LINC00305: variants seen among roughly 807,000 people sequenced by gnomAD.
The protein encoded by LINC00305 is long intergenic non-protein coding RNA 305.
chr18:64,143,566 A>ATATGTACACATATTATG (rs1356163768), intron 1 of LINC00305, among the ~76,000 whole-genome samples: 4 of 35,354 alleles, frequency 1.1e-4, no homozygotes, highest in Admixed American at 6.8e-4. Flanking sequence ...GTGTACATAT[A>ATATGTACACATATTATG]TACACATATG....
At chr18:64,133,747 T>C (rs1339969599) in intron 1 of LINC00305, among the ~76,000 whole-genome samples, 1 of 152,204 alleles carries the variant, frequency 6.6e-6, no homozygotes, top group East Asian at 1.9e-4. Flanking sequence ...CACACCTGCC[T>C]TGGAAACTCT....
At chr18:64,099,661 G>A (rs1297450454) in intron 1 of LINC00305, among the ~76,000 whole-genome samples, 2 of 152,154 alleles carry the variant, frequency 1.3e-5, no homozygotes, top group Non-Finnish European at 2.9e-5. Context: ...GTAAGAACTC[G>A]GAACTGAGTG....
At chr18:64,110,304 T>A (rs1481168425) in intron 1 of LINC00305, among the ~76,000 whole-genome samples, 1 of 152,214 alleles carries the variant, frequency 6.6e-6, no homozygotes, top group Non-Finnish European at 1.5e-5. Context: ...GAATATCTGC[T>A]TATTAGTTGC....
At chr18:64,082,116 G>C (rs910578317) in intron 3 of LINC00305, among the ~76,000 whole-genome samples, 2 of 152,098 alleles carry the variant, frequency 1.3e-5, no homozygotes, top group Non-Finnish European at 2.9e-5. Flanking sequence ...TATGGTTTAG[G>C]AGTCATACAG....
chr18:64,087,786 C>T (rs1247599209), intron 3 of LINC00305, among the ~76,000 whole-genome samples: 1 of 152,100 alleles, frequency 6.6e-6, no homozygotes, highest in Non-Finnish European at 1.5e-5. Context: ...CTAACCATTA[C>T]TCAATAGAAA....
chr18:64,133,485 A>G (rs1212739908), intron 1 of LINC00305, among the ~76,000 whole-genome samples: 1 of 152,174 alleles, frequency 6.6e-6, no homozygotes, highest in Non-Finnish European at 1.5e-5. Context: ...TGTAAGTCAT[A>G]AGTGACTCCT....
intron 1 of LINC00305, among the ~76,000 whole-genome samples, chr18:64,117,007 T>TTCA: frequency 6.6e-6 from 1 of 152,322 alleles, no homozygotes; most frequent in East Asian, 1.9e-4. Flanking sequence ...AACAATGAGT[T>TTCA]TCATTCTTCA....
rs2051267182 is a variant in LINC00305, at chr18:64,101,294, A to G, written n.315-2654T>C. 5.3e-5 allele frequency among the ~76,000 whole-genome samples: 8 copies of G among 152,328 alleles called. No individual in the cohort carries two copies. The South Asian group carries it at 1.5e-3, about 28-fold the overall frequency. On this transcript the variant is annotated intron_variant and non_coding_transcript_variant, in intron 1 of 3. Transcript: ENST00000666468. The stretch of plus-strand genomic sequence containing the variant: ...AAGATAACAGTGCTCATATGGGAAC[A>G]ATGCCCTCTGTATTGGTTTCCTTGA...
intron 1 of LINC00305, among the ~76,000 whole-genome samples, chr18:64,108,896 A>G (rs2051303276): frequency 6.6e-6 from 1 of 152,232 alleles, no homozygotes; most frequent in South Asian, 2.1e-4. Context: ...GAGAAAAAGA[A>G]AGAAACATAA....
intron 1 of LINC00305, among the ~76,000 whole-genome samples, chr18:64,111,020 G>A (rs2051312762): frequency 6.6e-6 from 1 of 152,172 alleles, no homozygotes; most frequent in Admixed American, 6.5e-5. Flanking sequence ...TGAGAACAGA[G>A]TGGGTCTGTA....
At position 64,116,507 on chromosome 18, in the gene LINC00305, G is replaced by A. The variant is rs545085444; in HGVS notation, n.315-17867C>T. On this transcript the variant is annotated intron_variant and non_coding_transcript_variant, in intron 1 of 3. Coordinates refer to ENST00000666468, the Ensembl canonical transcript of LINC00305. ...CTGCAAACGTGATGTTAGTTCACAT[G>A]CAGTTTTATTTGATGTTACACAACA... is the stretch of plus-strand genomic sequence containing the variant. Among the ~76,000 whole-genome samples the A allele has an allele frequency of 1.3e-3, 194 of 152,252 alleles. 1 individual carries two copies. The highest frequency in any genetic ancestry group is 3.4e-3 in the Middle Eastern group (1 of 292).
intron 1 of LINC00305, among the ~76,000 whole-genome samples, chr18:64,100,845 T>C (rs2144239860): frequency 6.6e-6 from 1 of 152,272 alleles, no homozygotes; most frequent in South Asian, 2.1e-4. Flanking sequence ...TGAATGAATG[T>C]CCCATGGAAG....
chr18:64,128,787 C>T (rs1433147950), intron 1 of LINC00305, among the ~76,000 whole-genome samples: 1 of 152,054 alleles, frequency 6.6e-6, no homozygotes, highest in Non-Finnish European at 1.5e-5. Context: ...AAAGAACCTC[C>T]CTCAGGATCC....
At position 64,128,353 on chromosome 18, in the gene LINC00305, C is replaced by T. The variant is rs546079514; in HGVS notation, n.314+20422G>A. Among the ~76,000 whole-genome samples the T allele has an allele frequency of 5.4e-5, 8 of 149,110 alleles. No individual in the cohort carries two copies. The East Asian group carries it at 8.0e-4, about 15-fold the overall frequency. On this transcript the variant is annotated intron_variant and non_coding_transcript_variant, in intron 1 of 3. Transcript: ENST00000666468. ...TCTTAGTCTGTGACACCATCACCTGCCACCTGTCACCTGTCACCTCCAGGT... is the reference window on the plus strand; with the variant it reads ...TCTTAGTCTGTGACACCATCACCTGTCACCTGTCACCTGTCACCTCCAGGT...
chr18:64,095,776 A>G (rs1254018673), intron 3 of LINC00305, among the ~76,000 whole-genome samples: 2 of 152,188 alleles, frequency 1.3e-5, no homozygotes, highest in African/African-American at 4.8e-5. Context: ...CGATATATAC[A>G]TAATCAATGT....
chr18:64,131,002 T>C (rs1599226543), intron 1 of LINC00305, among the ~76,000 whole-genome samples: 1 of 152,230 alleles, frequency 6.6e-6, no homozygotes, highest in African/African-American at 2.4e-5. Context: ...ATTTCAACTG[T>C]CAACTTGTGT....
intron 3 of LINC00305, among the ~76,000 whole-genome samples, chr18:64,088,755 T>C (rs2144893939): frequency 6.6e-6 from 1 of 152,356 alleles, no homozygotes; most frequent in Admixed American, 6.5e-5. Flanking sequence ...TTTGGAAAAC[T>C]TGCATTTTGA....
chr18:64,115,408 C>G (rs2051333183), intron 1 of LINC00305, among the ~76,000 whole-genome samples: 1 of 151,862 alleles, frequency 6.6e-6, no homozygotes, highest in African/African-American at 2.4e-5. Flanking sequence ...GGTTTTCCAG[C>G]CTGAGGACTT....
intron 1 of LINC00305, among the ~76,000 whole-genome samples, chr18:64,116,894 G>T (rs1447602403): frequency 6.6e-6 from 1 of 152,262 alleles, no homozygotes; most frequent in Non-Finnish European, 1.5e-5. Context: ...GGGTGGAAAT[G>T]GTCCCCTTCT....
Sources: gnomAD v4.1 joint callset for allele counts (sites outside exome capture counted in the v4.1 genomes callset) on GRCh38, gnomAD v4.1.1 for gene constraint, MANE v1.5 for transcripts, NCBI Gene and HGNC (gene_info 2026-07-23, HGNC 2026-07-21) for gene names.